Variants in RAPGEF4 observed in about 807,000 individuals in gnomAD.
RAPGEF4 encodes the protein RAP guanine-nucleotide-exchange factor (GEF) 4.
A neutral mutation model predicts 147.9 loss-of-function variants in RAPGEF4; 66 were observed. The ratio of observed to expected loss-of-function variants is 0.45; its 90% CI spans 0.37 to 0.55. The LOEUF is 0.55. Among genes scored for constraint, RAPGEF4 ranks in the 20% least tolerant of loss-of-function variants. The pLI is 0.00. For missense variants in RAPGEF4, 1,071 were observed against 1,257.3 expected (o/e 0.85, Z 2.24); for synonymous variants, 419 against 442.7 (o/e 0.95, Z 0.67).
intron 1 of RAPGEF4, among the ~76,000 whole-genome samples, chr2:172,770,234 C>T (rs1276795591): frequency 6.6e-6 from 1 of 152,148 alleles, no homozygotes; most frequent in African/African-American, 2.4e-5. Context: ...AAGTGGACCC[C>T]GATTATCTGC....
chr2:172,982,226 T>C (rs1002756802), intron 10 of RAPGEF4, among the ~76,000 whole-genome samples: 1 of 152,218 alleles, frequency 6.6e-6, no homozygotes, highest in African/African-American at 2.4e-5. Flanking sequence ...GTCATGATGG[T>C]ACATCATCAG....
chr2:172,763,757 A>G (rs908460762), intron 1 of RAPGEF4, among the ~76,000 whole-genome samples: 4 of 152,236 alleles, frequency 2.6e-5, no homozygotes, highest in Admixed American at 2.6e-4. Context: ...GGAATTTGTT[A>G]TAAATAATGT....
chr2:172,762,066 G>A (rs1696401225), intron 1 of RAPGEF4, among the ~76,000 whole-genome samples: 1 of 152,174 alleles, frequency 6.6e-6, no homozygotes, highest in African/African-American at 2.4e-5. Flanking sequence ...AGGTTGCAGT[G>A]AGCCAAGATC....
chr2:172,988,663 T>A, intron 13 of RAPGEF4, 30 bp from the exon 14 acceptor site: 2 of 1,595,552 alleles, frequency 1.3e-6, no homozygotes, highest in Non-Finnish European at 1.7e-6. Context: ...TTCAGGGATC[T>A]TCTTCATCTG....
At chr2:172,859,176 T>C (rs1693755400) in intron 4 of RAPGEF4, among the ~76,000 whole-genome samples, 1 of 152,204 alleles carries the variant, frequency 6.6e-6, no homozygotes, top group Non-Finnish European at 1.5e-5. Context: ...AAAATAGAGA[T>C]GAAACTTGGT....
intron 10 of RAPGEF4, among the ~76,000 whole-genome samples, chr2:172,978,248 G>A (rs1575427308): frequency 6.6e-6 from 1 of 152,204 alleles, no homozygotes; most frequent in East Asian, 1.9e-4. Flanking sequence ...CCTGCAAGGA[G>A]GCAGTTTTCT....
intron 4 of RAPGEF4, among the ~76,000 whole-genome samples, chr2:172,856,968 A>C (rs933896183): frequency 2.6e-4 from 26 of 98,804 alleles, no homozygotes; most frequent in East Asian, 7.2e-4. Flanking sequence ...GTCAGCACCC[A>C]CCCCCCGCCC....
chr2:172,735,879 C>A lies in RAPGEF4; in HGVS notation c.-105C>A. The A allele has an allele frequency of 2.0e-6, 2 of 1,014,012 alleles. No individual in the cohort carries two copies. The highest frequency in any genetic ancestry group is 2.5e-6 in the Non-Finnish European group (2 of 788,682). The allele number at this position is 1,014,012 out of a possible 1,614,324, so 62.8% of individuals were successfully genotyped here. ...GCAGCCGCGCTGGTCGCCAGGCGTC[C>A]GGGAGGAGCGGGGTCCGCGCGGCGG... is the stretch of plus-strand genomic sequence containing the variant. On this transcript the variant is annotated 5_prime_UTR_variant, in exon 1 of 31. Transcript: ENST00000397081.
At chr2:173,034,826 C>T (rs1683721067) in intron 27 of RAPGEF4, among the ~76,000 whole-genome samples, 1 of 151,144 alleles carries the variant, frequency 6.6e-6, no homozygotes, top group African/African-American at 2.4e-5. Context: ...TGAGTAGTGA[C>T]TGGGCCACTG....
rs140701308 is a variant in RAPGEF4, at chr2:172,998,851, A to G, written c.1579+2297A>G. On this transcript the variant is annotated intron_variant, in intron 16 of 30. Coordinates refer to ENST00000397081, the MANE Select transcript of RAPGEF4 (RefSeq NM_007023.4). ...AATCAGCATCTTACCTAAGGTATAT[A>G]TTGACTCAAAAAAATATATATTCTG... 1.7e-3 allele frequency among the ~76,000 whole-genome samples: 266 copies of G among 152,290 alleles called. 2 individuals are homozygous for G. Among genetic ancestry groups the G allele is most frequent in the African/African-American group, 5.8e-3 (243 of 41,556 alleles).
intron 4 of RAPGEF4, among the ~76,000 whole-genome samples, chr2:172,896,934 T>C (rs1698537975): frequency 6.6e-6 from 1 of 152,178 alleles, no homozygotes. Flanking sequence ...GCCAGTTCTC[T>C]TGGCATGCAG....
At chr2:173,019,037 C>T (rs578032624) in intron 22 of RAPGEF4, among the ~76,000 whole-genome samples, 40 of 152,246 alleles carry the variant, frequency 2.6e-4, no homozygotes, top group Admixed American at 1.6e-3. Flanking sequence ...TGAGGACTGT[C>T]GTGTAGATGT....
At chr2:172,827,328 A>C (rs1457482608) in intron 4 of RAPGEF4, among the ~76,000 whole-genome samples, 1 of 151,946 alleles carries the variant, frequency 6.6e-6, no homozygotes, top group African/African-American at 2.4e-5. Flanking sequence ...TTGTTACTCT[A>C]TATTTCCTTC....
chr2:172,789,803 G>A (rs13011386), intron 1 of RAPGEF4, among the ~76,000 whole-genome samples: 34,368 of 147,066 alleles, frequency 0.23, 4,462 homozygotes, highest in Non-Finnish European at 0.3. Context: ...TTCATTTTCA[G>A]GGGGTAAATA....
chr2:172,997,067 T>A (rs1289070800), intron 16 of RAPGEF4, among the ~76,000 whole-genome samples: 2 of 152,198 alleles, frequency 1.3e-5, no homozygotes, highest in East Asian at 3.8e-4. Context: ...AAAATTATAT[T>A]GTCTTACAGT....
intron 4 of RAPGEF4, among the ~76,000 whole-genome samples, chr2:172,914,240 G>T (rs1254950920): frequency 6.7e-6 from 1 of 150,332 alleles, no homozygotes; most frequent in Non-Finnish European, 1.5e-5. Flanking sequence ...ACATGTGTTT[G>T]CATATGTATT....
intron 4 of RAPGEF4, among the ~76,000 whole-genome samples, chr2:172,910,430 T>C (rs908328616): frequency 6.6e-5 from 10 of 152,250 alleles, no homozygotes; most frequent in African/African-American, 2.2e-4. Flanking sequence ...TCCAATTGCA[T>C]ATATTTAGTC....
intron 8 of RAPGEF4, among the ~76,000 whole-genome samples, chr2:172,964,537 A>T (rs76087960): frequency 0.023 from 3,431 of 151,600 alleles, 143 homozygotes; most frequent in African/African-American, 0.079. Context: ...GATTGTTCCC[A>T]AAGTGGCACA....
At chr2:172,764,503 T>C (rs1245432328) in intron 1 of RAPGEF4, among the ~76,000 whole-genome samples, 1 of 151,884 alleles carries the variant, frequency 6.6e-6, no homozygotes, top group Non-Finnish European at 1.5e-5. Flanking sequence ...GTCGAAGGAG[T>C]GTAGGTGAGA....
Sources: allele counts gnomAD v4.1 joint callset (sites outside exome capture counted in the v4.1 genomes callset), GRCh38; gene constraint gnomAD v4.1.1; transcripts MANE v1.5; gene names NCBI Gene and HGNC (gene_info 2026-07-23, HGNC 2026-07-21).